Variants in CCR5AS observed in about 807,000 individuals in gnomAD.
The protein encoded by CCR5AS is CCR5 antisense RNA.
chr3:46,371,595 G>T (rs1229183048), intron 2 of CCR5AS, among the ~76,000 whole-genome samples: 1 of 152,074 alleles, frequency 6.6e-6, no homozygotes, highest in African/African-American at 2.4e-5. Context: ...AGACTCACAG[G>T]GTTTAATAAG....
Position 46,370,053 on chromosome 3 carries a change from C to T in CCR5AS, n.565+1191G>A, listed in dbSNP as rs534304693. ...GAGATTTTCAGATGTCACCAACCGC[C>T]AAGAGAGCTTGATATGACTGTATAT... On this transcript the variant is annotated intron_variant and non_coding_transcript_variant, in intron 3 of 3. Coordinates refer to ENST00000451485, the Ensembl canonical transcript of CCR5AS. 2.6e-5 allele frequency among the ~76,000 whole-genome samples: 4 copies of T among 152,256 alleles called. No individual in the cohort carries two copies. In the South Asian group the frequency reaches 8.3e-4, roughly 32 times the overall value.
At chr3:46,372,934 A>G (rs751603911) in intron 2 of CCR5AS, 22 of 1,602,722 alleles carry the variant, frequency 1.4e-5, no homozygotes, top group Non-Finnish European at 1.8e-5. Flanking sequence ...CCAATCTATG[A>G]CATCAATTAT....
At chr3:46,370,180 C>T (rs1346953169) in intron 3 of CCR5AS, among the ~76,000 whole-genome samples, 1 of 152,098 alleles carries the variant, frequency 6.6e-6, no homozygotes, top group Non-Finnish European at 1.5e-5. Flanking sequence ...AATCCTGCCA[C>T]CTATGTATCT....
chr3:46,367,106 G>A (rs138476342), intron 3 of CCR5AS, among the ~76,000 whole-genome samples: 21 of 152,308 alleles, frequency 1.4e-4, no homozygotes, highest in African/African-American at 4.6e-4. Flanking sequence ...TCCATTTATA[G>A]AAGTTAAAGA....
At chr3:46,395,210 G>A (rs1300218475) in intron 1 of CCR5AS, among the ~76,000 whole-genome samples, 1 of 152,118 alleles carries the variant, frequency 6.6e-6, no homozygotes, top group Non-Finnish European at 1.5e-5. Flanking sequence ...ACTGGTTTTA[G>A]GATGTGGGTC....
chr3:46,404,776 A>G (rs1461879032), intron 1 of CCR5AS, among the ~76,000 whole-genome samples: 1 of 152,180 alleles, frequency 6.6e-6, no homozygotes, highest in South Asian at 2.1e-4. Flanking sequence ...AGCTCTGTGA[A>G]GGTCAGGATT....
chr3:46,391,858 G>C (rs142827908), intron 2 of CCR5AS, among the ~76,000 whole-genome samples: 1 of 152,096 alleles, frequency 6.6e-6, no homozygotes, highest in Non-Finnish European at 1.5e-5. Context: ...AGATGGGTCC[G>C]TAGAAAAGGA....
At chr3:46,366,847 G>A (rs112935347) in intron 3 of CCR5AS, among the ~76,000 whole-genome samples, 9,191 of 152,224 alleles carry the variant, frequency 0.06, 915 homozygotes, top group African/African-American at 0.21. Flanking sequence ...GGATCAGGGG[G>A]ACTCCCTGGC....
chr3:46,372,934 A>T, intron 2 of CCR5AS: 1 of 1,602,840 alleles, frequency 6.2e-7, no homozygotes, highest in Non-Finnish European at 8.5e-7. Flanking sequence ...CCAATCTATG[A>T]CATCAATTAT....
At chr3:46,373,580 T>C (rs373358134) in intron 2 of CCR5AS, 4 of 1,613,564 alleles carry the variant, frequency 2.5e-6, no homozygotes, top group East Asian at 2.2e-5. Flanking sequence ...GGTGTCGAAA[T>C]GAGAAGAAGA....
At chr3:46,390,350 T>C (rs1701900165) in intron 2 of CCR5AS, among the ~76,000 whole-genome samples, 1 of 152,064 alleles carries the variant, frequency 6.6e-6, no homozygotes. Context: ...GACGATTTGA[T>C]CAACAAGACG....
At chr3:46,385,258 C>T (rs1701850410) in intron 2 of CCR5AS, among the ~76,000 whole-genome samples, 1 of 152,178 alleles carries the variant, frequency 6.6e-6, no homozygotes, top group Non-Finnish European at 1.5e-5. Flanking sequence ...CAGGCACCCC[C>T]TAACTGTGTT....
chr3:46,388,255 AG>A (rs1311488281), intron 2 of CCR5AS, among the ~76,000 whole-genome samples: 2 of 151,422 alleles, frequency 1.3e-5, no homozygotes, highest in Non-Finnish European at 2.9e-5. Context: ...AAGCAGGATT[AG>A]GGGTGACACA....
At chr3:46,393,537 A>G (rs1701934230) in intron 1 of CCR5AS, among the ~76,000 whole-genome samples, 1 of 152,184 alleles carries the variant, frequency 6.6e-6, no homozygotes, top group African/African-American at 2.4e-5. Flanking sequence ...GAATTTAGTA[A>G]AAAATTATAG....
At chr3:46,398,501 T>C (rs1264682953) in intron 1 of CCR5AS, among the ~76,000 whole-genome samples, 1 of 152,166 alleles carries the variant, frequency 6.6e-6, no homozygotes, top group Non-Finnish European at 1.5e-5. Context: ...AAAATTGTTT[T>C]TATAAAAAAT....
At chr3:46,385,696 T>C (rs1575284288) in intron 2 of CCR5AS, among the ~76,000 whole-genome samples, 4 of 151,960 alleles carry the variant, frequency 2.6e-5, no homozygotes, top group Non-Finnish European at 5.9e-5. Flanking sequence ...CTCTCTCTCT[T>C]GAGTATGCCT....
chr3:46,378,016 A>G (rs1701780010), intron 2 of CCR5AS, among the ~76,000 whole-genome samples: 1 of 152,156 alleles, frequency 6.6e-6, no homozygotes, highest in African/African-American at 2.4e-5. Context: ...CCAACAAATC[A>G]TGAACTTTCT....
At chr3:46,393,496 G>A (rs71327060) in intron 1 of CCR5AS, among the ~76,000 whole-genome samples, 39,351 of 136,616 alleles carry the variant, frequency 0.29, 7,407 homozygotes, top group African/African-American at 0.54. Flanking sequence ...GAAAAAAAAA[G>A]AAGAAGAAAA....
chr3:46,372,930 T>G, intron 2 of CCR5AS: 2 of 1,601,226 alleles, frequency 1.2e-6, no homozygotes, highest in Non-Finnish European at 1.7e-6. Context: ...AAGTCCAATC[T>G]ATGACATCAA....
Sources: gnomAD v4.1 joint callset for allele counts (sites outside exome capture counted in the v4.1 genomes callset) on GRCh38, gnomAD v4.1.1 for gene constraint, MANE v1.5 for transcripts, NCBI Gene and HGNC (gene_info 2026-07-23, HGNC 2026-07-21) for gene names.